Variants in NLGN4X observed in about 807,000 individuals in gnomAD.
NLGN4X encodes the protein neuroligin 4 X-linked, also known as neuroligin-4, X-linked.
Under a neutral mutation model 40.3 loss-of-function variants are expected in NLGN4X, and 3 were observed. That is an observed-to-expected ratio of 0.07 (90% CI 0.03 to 0.19). The LOEUF is 0.19. Among genes scored for constraint, NLGN4X ranks in the 10% least tolerant of loss-of-function variants. The pLI is 1.00. For synonymous variants in NLGN4X, 270 were observed against 306.8 expected, an observed-to-expected ratio of 0.88 and a Z score of 1.25; for missense variants, 382 against 708.3, an observed-to-expected ratio of 0.54 and a Z score of 5.23.
chrX:6,121,153 CA>C, intron 2 of NLGN4X, among the ~76,000 whole-genome samples: 1 of 25,167 alleles, frequency 4.0e-5, no homozygotes, highest in African/African-American at 1.3e-4. Flanking sequence ...TATACATACA[CA>C]CACACACACA....
intron 3 of NLGN4X, among the ~76,000 whole-genome samples, chrX:5,956,621 T>C (rs1194785855): frequency 9.0e-6 from 1 of 111,069 alleles, no homozygotes; most frequent in African/African-American, 3.3e-5. Context: ...GGGACAATCA[T>C]CTATGCCCCA....
intron 2 of NLGN4X, among the ~76,000 whole-genome samples, chrX:6,133,368 G>C (rs1468470103): frequency 2.7e-5 from 3 of 111,694 alleles, no homozygotes; most frequent in Non-Finnish European, 5.6e-5. Context: ...ATAATTCCTT[G>C]TTGCACACAC....
At chrX:5,987,202 T>G (rs1052431165) in intron 3 of NLGN4X, among the ~76,000 whole-genome samples, 1 of 111,789 alleles carries the variant, frequency 8.9e-6, no homozygotes, top group African/African-American at 3.3e-5. Context: ...AACAGTATTA[T>G]GCATGAAAAA....
Position 5,893,241 on chromosome X carries a change from C to T in NLGN4X, c.2027G>A (p.Ser676Asn), listed in dbSNP as rs376399109. 5 of 1,211,172 alleles carry T rather than the reference C, an allele frequency of 4.1e-6. No homozygotes were observed. Among genetic ancestry groups the T allele is most frequent in the Non-Finnish European group, 5.6e-6 (5 of 895,393 alleles). Residue 676 changes from serine (S) to asparagine (N), a missense_variant, in exon 6 of 6, where the codon AGT becomes AAT. By Grantham distance (46) the Ser-to-Asn change is conservative (BLOSUM62 1). Around this residue, in one of 5 missense-constraint regions of NLGN4X, gnomAD observed 149 missense variants for 375.8 expected, o/e 0.40. Coordinates refer to ENST00000381095, the MANE Select transcript of NLGN4X (RefSeq NM_181332.3). ...ETKRDYSTEL[S>N]VTIAVGASLL... ...CGACGCCCCGACGGCAATGGTGACA[C>T]TTAATTCGGTGGAATAATCTCGTTT...
chrX:6,181,264 A>G (rs1012823051), intron 1 of NLGN4X, among the ~76,000 whole-genome samples: 1 of 111,880 alleles, frequency 8.9e-6, no homozygotes, highest in Non-Finnish European at 1.9e-5. Context: ...CTATTACACT[A>G]TAATTACAGC....
intron 3 of NLGN4X, among the ~76,000 whole-genome samples, chrX:5,997,670 G>C (rs2035868984): frequency 9.5e-6 from 1 of 105,285 alleles, no homozygotes; most frequent in Non-Finnish European, 1.9e-5. Context: ...GCCTTTCCAT[G>C]TGGCAGGGAC....
Position 5,986,255 on chromosome X carries a change from G to A in NLGN4X, c.625+43025C>T, listed in dbSNP as rs187714938. On this transcript the variant is annotated intron_variant, in intron 3 of 5. Coordinates refer to ENST00000381095, the MANE Select transcript of NLGN4X (RefSeq NM_181332.3). ...AACAAAGTATAAAAATATAAATTGC[G>A]GATTATTATAAAATCATGAAGATAA... 5.5e-3 allele frequency among the ~76,000 whole-genome samples: 609 copies of A among 111,695 alleles called. 2 individuals are homozygous for A. Among genetic ancestry groups the A allele is most frequent in the African/African-American group, 0.012 (356 of 30,812 alleles).
intron 3 of NLGN4X, among the ~76,000 whole-genome samples, chrX:5,992,655 G>T (rs752771206): frequency 2.7e-5 from 3 of 111,453 alleles, no homozygotes; most frequent in East Asian, 2.8e-4. Flanking sequence ...GTTCTTCGGG[G>T]TGTACAAGAA....
intron 2 of NLGN4X, among the ~76,000 whole-genome samples, chrX:6,075,066 C>T (rs778078657): frequency 2.7e-5 from 3 of 111,771 alleles, no homozygotes; most frequent in African/African-American, 9.7e-5. Context: ...GCCAAACAAG[C>T]ATTTCTGGAA....
Position 6,142,259 on chromosome X carries a change from C to T in NLGN4X, c.472+8736G>A, listed in dbSNP as rs372159947. ...ATTCAAACAGGCATAATTCATACTA[C>T]TAAATAGTATTATTCCAAACATATG... is the stretch of plus-strand genomic sequence containing the variant. On this transcript the variant is annotated intron_variant, in intron 2 of 5. Coordinates refer to ENST00000381095, the MANE Select transcript of NLGN4X (RefSeq NM_181332.3). 5.4e-5 allele frequency among the ~76,000 whole-genome samples: 6 copies of T among 112,138 alleles called. No homozygotes were observed. The South Asian group carries it at 1.5e-3, about 28-fold the overall frequency.
intron 2 of NLGN4X, among the ~76,000 whole-genome samples, chrX:6,118,804 G>A (rs1466861050): frequency 9.0e-6 from 1 of 111,278 alleles, no homozygotes; most frequent in East Asian, 2.8e-4. Flanking sequence ...ACGGCCTACT[G>A]TCCAGCACCT....
intron 2 of NLGN4X, among the ~76,000 whole-genome samples, chrX:6,146,428 C>G (rs73444295): frequency 0.11 from 12,821 of 111,584 alleles, 573 homozygotes; most frequent in Admixed American, 0.15. Context: ...TGTTCCCTAA[C>G]TAGGATGCTC....
chrX:6,103,959 G>A (rs145080828), intron 2 of NLGN4X, among the ~76,000 whole-genome samples: 1 of 111,858 alleles, frequency 8.9e-6, no homozygotes, highest in East Asian at 2.8e-4. Flanking sequence ...ATGTGCAATT[G>A]GGTGCACCTG....
intron 2 of NLGN4X, among the ~76,000 whole-genome samples, chrX:6,147,652 G>GCT (rs1233472740): frequency 2.3e-5 from 2 of 85,767 alleles, no homozygotes; most frequent in African/African-American, 9.2e-5. Flanking sequence ...CACTCTCTCT[G>GCT]CTATCTCTCT....
intron 1 of NLGN4X, among the ~76,000 whole-genome samples, chrX:6,228,106 C>T (rs191102802): frequency 2.7e-5 from 3 of 110,992 alleles, no homozygotes; most frequent in African/African-American, 9.8e-5. Context: ...TATTTTTTTC[C>T]TCCTCTCCCC....
At chrX:5,991,304 G>T (rs2035677866) in intron 3 of NLGN4X, 1 of 380,338 alleles carries the variant, frequency 2.6e-6, no homozygotes, top group Non-Finnish European at 4.8e-6. Flanking sequence ...TCTTCTTAGG[G>T]GATTCCTCCT....
chrX:6,117,700 A>C (rs2039333601), intron 2 of NLGN4X, among the ~76,000 whole-genome samples: 1 of 112,303 alleles, frequency 8.9e-6, no homozygotes, highest in South Asian at 3.7e-4. Context: ...TTTTCCTGAA[A>C]GTCTATTCAC....
chrX:5,927,987 T>C (rs1357353060), intron 3 of NLGN4X, among the ~76,000 whole-genome samples: 1 of 112,018 alleles, frequency 8.9e-6, no homozygotes, highest in African/African-American at 3.2e-5. Flanking sequence ...GCTCACTGAT[T>C]AGTGTTTAAA....
chrX:6,197,208 A>T (rs1303942215), intron 1 of NLGN4X, among the ~76,000 whole-genome samples: 3 of 111,409 alleles, frequency 2.7e-5, no homozygotes, highest in Non-Finnish European at 3.8e-5. Flanking sequence ...CCTATTACAG[A>T]AGGCCACAAG....
Sources: gnomAD v4.1 joint callset for allele counts (sites outside exome capture counted in the v4.1 genomes callset) on GRCh38, gnomAD v4.1.1 for gene constraint, gnomAD v4.1.1 regional missense constraint, MANE v1.5 for transcripts, NCBI Gene and HGNC (gene_info 2026-07-23, HGNC 2026-07-21) for gene names.